Variants in CHN2 observed in about 807,000 individuals in gnomAD.
The protein encoded by CHN2 is beta-chimaerin.
CHN2 carries 35 observed loss-of-function variants against 56.3 expected under a neutral mutation model. That is an observed-to-expected ratio of 0.62 (90% CI 0.47 to 0.82). The LOEUF (loss-of-function observed/expected upper bound fraction) is 0.82, where lower values mean the gene tolerates loss of function less well. Ranked by LOEUF, CHN2 falls within the 40% of genes least tolerant of loss-of-function variation. The pLI is 0.00. For synonymous variants in CHN2, 210 were observed against 212.8 expected (o/e 0.99, Z 0.12); for missense variants, 491 against 580.5 (o/e 0.85, Z 1.58).
At chr7:29,401,267 C>CA (rs1018043797) in intron 6 of CHN2, 258 of 131,558 alleles carry the variant, frequency 2.0e-3, no homozygotes, top group East Asian at 3.1e-3. Context: ...GACTCCGTCT[C>CA]AAAAAAAAAA....
chr7:29,412,074 A>T (rs1454677113), intron 6 of CHN2, among the ~76,000 whole-genome samples: 3 of 152,092 alleles, frequency 2.0e-5, no homozygotes, highest in African/African-American at 7.2e-5. Context: ...TTTAATTTTA[A>T]TCCAATAATC....
chr7:29,222,355 A>G (rs1785874294), intron 1 of CHN2, among the ~76,000 whole-genome samples: 1 of 152,204 alleles, frequency 6.6e-6, no homozygotes, highest in South Asian at 2.1e-4. Context: ...GAATTAGAAA[A>G]AATATTTAAA....
chr7:29,442,286 G>A (rs1420445271), intron 6 of CHN2, among the ~76,000 whole-genome samples: 1 of 152,156 alleles, frequency 6.6e-6, no homozygotes, highest in Admixed American at 6.5e-5. Flanking sequence ...AGATTCTCAT[G>A]ACTCAAATGG....
Position 29,509,313 on chromosome 7 carries a change from CAGATGAGAGG to C in CHN2, c.1143_1152del (p.Asp382TrpfsTer8). ...GTGAACTTCACAGAAATCTCCAATG[CAGATGAGAGG>C]CTGGAAGCCGTCCATGAAGTGCTGA... is the stretch of plus-strand genomic sequence containing the variant. On this transcript the variant is annotated frameshift_variant, in exon 12 of 13. Transcript: ENST00000222792. LOFTEE classifies it high-confidence loss of function. 1 of 1,613,540 alleles carries C rather than the reference CAGATGAGAGG, an allele frequency of 6.2e-7. No individual in the cohort carries two copies. The highest frequency in any genetic ancestry group is 8.5e-7 in the Non-Finnish European group (1 of 1,179,484).
intron 1 of CHN2, among the ~76,000 whole-genome samples, chr7:29,248,355 G>A (rs143075223): frequency 3.3e-4 from 51 of 152,286 alleles, no homozygotes; most frequent in Non-Finnish European, 5.3e-4. Flanking sequence ...GCCAACCTGC[G>A]ACCCTAGTCT....
At chr7:29,445,282 A>T in intron 6 of CHN2, 1 of 392,370 alleles carries the variant, frequency 2.5e-6, no homozygotes, top group Non-Finnish European at 5.1e-6. Flanking sequence ...AATACCCCAA[A>T]CAGGCCTATC....
upstream of CHN2, chr7:29,193,939 A>G (rs1584678543): frequency 6.6e-6 from 1 of 152,416 alleles, no homozygotes; most frequent in South Asian, 2.1e-4. Context: ...ACTTAAGTGT[A>G]GCTGGGTTGG....
chr7:29,513,620 C>G lies in CHN2; in HGVS notation c.*885C>G, dbSNP rs1302004688. On this transcript the variant is annotated 3_prime_UTR_variant, in exon 13 of 13. Transcript: ENST00000222792. ...GTCTGTGTAAAAAGTTAGCACTTAC[C>G]CTCTTTTCTTCCTGGCCAAGCCCTC... is the stretch of plus-strand genomic sequence containing the variant. 6.7e-6 allele frequency: 1 copy of G among 149,142 alleles called. No homozygotes were observed. The highest frequency in any genetic ancestry group is 1.5e-5 in the Non-Finnish European group (1 of 67,236). 9.2% of individuals were successfully genotyped at this position (149,142 alleles called of 1,614,324 possible).
chr7:29,378,958 C>T (rs754636898), intron 3 of CHN2, among the ~76,000 whole-genome samples: 13 of 151,996 alleles, frequency 8.6e-5, no homozygotes, highest in African/African-American at 1.7e-4. Flanking sequence ...AGCGAGACTC[C>T]GTCTCGAAAG....
At chr7:29,263,862 G>T (rs897138112) in intron 1 of CHN2, among the ~76,000 whole-genome samples, 2 of 149,074 alleles carry the variant, frequency 1.3e-5, no homozygotes, top group Admixed American at 6.6e-5. Flanking sequence ...GAGCCCCTCC[G>T]CCCGGCAGCC....
chr7:29,334,557 C>T (rs1360758977), intron 1 of CHN2: 3 of 152,118 alleles, frequency 2.0e-5, no homozygotes, highest in Admixed American at 2.0e-4. Context: ...GAGTTCAAGA[C>T]CAGCCTGGGC....
chr7:29,273,372 T>C (rs1274436290), intron 1 of CHN2, among the ~76,000 whole-genome samples: 1 of 50,138 alleles, frequency 2.0e-5, no homozygotes, highest in Non-Finnish European at 3.5e-5. Context: ...TATATATATA[T>C]ATATATATAT....
At chr7:29,472,298 C>T (rs949066563) in intron 6 of CHN2, among the ~76,000 whole-genome samples, 20 of 132,190 alleles carry the variant, frequency 1.5e-4, no homozygotes, top group Non-Finnish European at 3.0e-4. Context: ...CACACACACA[C>T]GCACACACAC....
intron 6 of CHN2, among the ~76,000 whole-genome samples, chr7:29,411,707 G>T (rs934475337): frequency 6.6e-6 from 1 of 152,090 alleles, no homozygotes; most frequent in Admixed American, 6.5e-5. Flanking sequence ...GTAGAGCCTG[G>T]GCTGCTGAAG....
chr7:29,277,085 T>G (rs1227916184), intron 1 of CHN2, among the ~76,000 whole-genome samples: 1 of 152,150 alleles, frequency 6.6e-6, no homozygotes, highest in Non-Finnish European at 1.5e-5. Context: ...AAGGGGACAC[T>G]CGTCTTTACA....
rs192856844 is a variant in CHN2 at position 29,375,476 on chromosome 7, G to A, written c.144+7489G>A. ...CTCCCAAAGTGCTGGGATTACGGGC[G>A]TGAGCCACCGCACCTGGCTGATTTT... On this transcript the variant is annotated intron_variant, in intron 3 of 12. Transcript: ENST00000222792. Among the ~76,000 whole-genome samples, 24 of 152,188 alleles carry A rather than the reference G, an allele frequency of 1.6e-4. No individual in the cohort carries two copies. In the East Asian group the frequency reaches 3.3e-3, roughly 21 times the overall value.
chr7:29,494,708 A>G (rs1789047993), intron 7 of CHN2, among the ~76,000 whole-genome samples: 1 of 152,186 alleles, frequency 6.6e-6, no homozygotes, highest in East Asian at 1.9e-4. Flanking sequence ...TTACAGAGTT[A>G]TAAGTTGCTC....
chr7:29,316,721 A>G (rs1439004604), intron 1 of CHN2, among the ~76,000 whole-genome samples: 3 of 150,358 alleles, frequency 2.0e-5, no homozygotes, highest in Non-Finnish European at 4.4e-5. Context: ...AAGATGTGTG[A>G]TTTTTTTTTT....
intron 1 of CHN2, among the ~76,000 whole-genome samples, chr7:29,230,971 G>A (rs894605293): frequency 1.3e-5 from 2 of 152,128 alleles, no homozygotes; most frequent in African/African-American, 4.8e-5. Context: ...ATTTGTATTA[G>A]GCCCGTTTTG....
Sources: gnomAD v4.1 joint callset for allele counts (sites outside exome capture counted in the v4.1 genomes callset) on GRCh38, gnomAD v4.1.1 for gene constraint, MANE v1.5 for transcripts, NCBI Gene and HGNC (gene_info 2026-07-23, HGNC 2026-07-21) for gene names.